The following CIP2A variants were observed in gnomAD, a reference collection of about 807,000 sequenced individuals.
CIP2A encodes cellular inhibitor of PP2A, also known as protein CIP2A.
In CIP2A, 103 loss-of-function variants were observed where a neutral mutation model predicts 110.9. That is an observed-to-expected ratio of 0.93 (90% CI 0.79 to 1.09). The LOEUF (loss-of-function observed/expected upper bound fraction) is 1.09. CIP2A is among the 50% of genes least tolerant of loss of function. The pLI is 0.00. For missense variants in CIP2A, 1,088 were observed against 1,038.4 expected (o/e 1.05, Z -0.66); for synonymous variants, 381 against 361.6 (o/e 1.05, Z -0.61).
At chr3:108,553,210 CT>C (rs1937639751) in intron 19 of CIP2A, among the ~76,000 whole-genome samples, 1 of 130,816 alleles carries the variant, frequency 7.6e-6, no homozygotes, top group South Asian at 2.3e-4. Context: ...TCACTGCAGC[CT>C]TGACATCCAG....
chr3:108,575,893 A>T lies in CIP2A; in HGVS notation c.894+378T>A, dbSNP rs201664552. On this transcript the variant is annotated intron_variant, in intron 8 of 20. Transcript: ENST00000295746. ...ATATATACTCATATACATGTGTATGAGTATATATACATATATACATATACG... is the reference window on the plus strand; with the variant it reads ...ATATATACTCATATACATGTGTATGTGTATATATACATATATACATATACG... Among the ~76,000 whole-genome samples, 27 of 70,962 alleles carry T rather than the reference A, an allele frequency of 3.8e-4. 5 individuals are homozygous for T. In the East Asian group the frequency reaches 3.8e-3, roughly 10 times the overall value. The allele number at this position is 70,962 out of a possible 152,430, so 46.6% of individuals were successfully genotyped here. A position where few individuals can be genotyped will look rare whatever the true frequency, so the allele number is the denominator to read the frequency against.
At chr3:108,578,829 GA>G (rs1357115131) in intron 7 of CIP2A, among the ~76,000 whole-genome samples, 1 of 151,850 alleles carries the variant, frequency 6.6e-6, no homozygotes, top group African/African-American at 2.4e-5. Context: ...CACACCAAAG[GA>G]AACATTATCC....
At chr3:108,564,242 T>C (rs959553994) in intron 12 of CIP2A, among the ~76,000 whole-genome samples, 14 of 151,886 alleles carry the variant, frequency 9.2e-5, no homozygotes, top group African/African-American at 3.4e-4. Flanking sequence ...TGAAATAACT[T>C]ACTCAAGCCT....
intron 11 of CIP2A, among the ~76,000 whole-genome samples, chr3:108,565,680 C>T (rs1938156864): frequency 6.6e-6 from 1 of 151,776 alleles, no homozygotes; most frequent in Non-Finnish European, 1.5e-5. Flanking sequence ...GACAGTGTTT[C>T]TTTTACTACC....
chr3:108,564,054 G>A (rs757341510), intron 12 of CIP2A, among the ~76,000 whole-genome samples: 1 of 151,990 alleles, frequency 6.6e-6, no homozygotes, highest in Admixed American at 6.6e-5. Context: ...TGAGATATTA[G>A]TGAAGAAAAT....
intron 9 of CIP2A, 106 bp downstream of exon 9, chr3:108,569,283 T>G: frequency 1.2e-6 from 1 of 806,320 alleles, no homozygotes; most frequent in Non-Finnish European, 2.0e-6. Context: ...TTGAGATGTT[T>G]TCCTCAAGTG....
intron 12 of CIP2A, among the ~76,000 whole-genome samples, chr3:108,564,446 G>A (rs2603122): frequency 0.29 from 44,649 of 151,764 alleles, 7,160 homozygotes; most frequent in Non-Finnish European, 0.37. Context: ...AGGTGTTGTA[G>A]ATATTATTAC....
In CIP2A at chr3:108,566,868, GA is replaced by G. The variant is rs1938207400; in HGVS notation, c.1274-231del. Among the ~76,000 whole-genome samples the G allele has an allele frequency of 2.0e-5, 3 of 151,826 alleles. No homozygotes were observed. In the South Asian group the frequency reaches 6.2e-4, roughly 32 times the overall value. The stretch of plus-strand genomic sequence containing the variant: ...CTGACTCAATGGTTAAAACAGCGAG[GA>G]TATCTTTCCATTGGATGTCTGTTTT... On this transcript the variant is annotated intron_variant, in intron 10 of 20. Transcript: ENST00000295746.
chr3:108,561,310 G>A (rs905562104), intron 13 of CIP2A, among the ~76,000 whole-genome samples: 8 of 151,998 alleles, frequency 5.3e-5, no homozygotes, highest in African/African-American at 9.7e-5. Context: ...TCTGGAACAC[G>A]CTTTCTACCA....
intron 3 of CIP2A, 102 bp from the exon 4 acceptor site, chr3:108,582,304 C>T (rs1938909833): frequency 2.1e-6 from 1 of 472,912 alleles, no homozygotes; most frequent in Non-Finnish European, 3.8e-6. Context: ...TTTCCATTTC[C>T]TAAAACAATT....
intron 8 of CIP2A, among the ~76,000 whole-genome samples, chr3:108,573,483 T>C (rs1252874868): frequency 6.6e-6 from 1 of 152,038 alleles, no homozygotes; most frequent in Non-Finnish European, 1.5e-5. Context: ...CCATTCTCTT[T>C]CAGGTTTTGA....
Position 108,551,089 on chromosome 3 carries a change from T to G in CIP2A, c.*60A>C, listed in dbSNP as rs1234365581. ...AATTAACTCCCCTACCCACCCCCCC[T>G]CCAATAGATAAATACATCAAAAATA... On this transcript the variant is annotated 3_prime_UTR_variant, in exon 21 of 21. Coordinates refer to ENST00000295746, the MANE Select transcript of CIP2A (RefSeq NM_020890.3). The G allele has an allele frequency of 5.5e-5, 10 of 181,404 alleles. No homozygotes were observed. Among genetic ancestry groups the G allele is most frequent in the Non-Finnish European group, 9.2e-5 (8 of 87,392 alleles). 11.2% of individuals were successfully genotyped at this position (181,404 alleles called of 1,614,324 possible). A position where few individuals can be genotyped will look rare whatever the true frequency, so the allele number is the denominator to read the frequency against.
At position 108,585,173 on chromosome 3, in the gene CIP2A, T is replaced by C. The variant is rs1228921077; in HGVS notation, c.142A>G (p.Asn48Asp). ...GQKLTRLFTS[N>D]QILTSECLSC... ...AAGCATTCACTTGTTAATATCTGAT[T>C]TGATGTAAATAGTCGTGTGAGTTTC... The change falls in exon 2 of 21, where the codon AAT becomes GAT. Residue 48 changes from asparagine to aspartate, a missense_variant. Physicochemically the swap from Asn to Asp is conservative, Grantham distance 23 (BLOSUM62 1). Transcript: ENST00000295746. The C allele has an allele frequency of 1.2e-6, 2 of 1,612,852 alleles. No individual in the cohort carries two copies. The highest frequency in any genetic ancestry group is 2.2e-5 in the South Asian group (2 of 90,928).
chr3:108,578,893 C>G (rs577260425), intron 7 of CIP2A, among the ~76,000 whole-genome samples: 3 of 152,042 alleles, frequency 2.0e-5, no homozygotes, highest in African/African-American at 7.2e-5. Flanking sequence ...TGTTTCAACA[C>G]TGTTTCATTT....
At chr3:108,557,452 T>A in intron 16 of CIP2A, 38 bp from the exon 17 acceptor site, 1 of 1,471,738 alleles carries the variant, frequency 6.8e-7, no homozygotes, top group Non-Finnish European at 9.2e-7. Context: ...ACCACTATCA[T>A]CTATATCATA....
chr3:108,569,252 G>C, intron 9 of CIP2A, 137 bp downstream of exon 9: 1 of 622,886 alleles, frequency 1.6e-6, no homozygotes. Context: ...AACCTAGCGA[G>C]TCTAGTATGA....
chr3:108,558,481 T>C (rs1360819523), intron 16 of CIP2A, among the ~76,000 whole-genome samples: 1 of 152,154 alleles, frequency 6.6e-6, no homozygotes, highest in Non-Finnish European at 1.5e-5. Context: ...ATGTACATAA[T>C]ACAATGCCAA....
At chr3:108,568,499 G>A (rs1380912457) in intron 9 of CIP2A, among the ~76,000 whole-genome samples, 185 bp from the exon 10 acceptor site, 2 of 151,666 alleles carry the variant, frequency 1.3e-5, no homozygotes, top group Non-Finnish European at 2.9e-5. Flanking sequence ...AGTTTTGAGG[G>A]CTATGGCTTT....
Position 108,557,246 on chromosome 3 carries a change from T to C in CIP2A, c.2182A>G (p.Thr728Ala). The C allele has an allele frequency of 6.3e-7, 1 of 1,599,856 alleles. No homozygotes were observed. The highest frequency in any genetic ancestry group is 8.5e-7 in the Non-Finnish European group (1 of 1,170,058). Reference protein sequence around the residue: ...ESVAEEHEILTKSYMELLQRN... With the variant: ...ESVAEEHEILAKSYMELLQRN... ...TGAAGAAGTTCCATGTAGGATTTTG[T>C]CAGTATTTCATGTTCTTCAGCCACA... Residue 728 changes from threonine to alanine, a missense_variant, in exon 17 of 21, where the codon ACA becomes GCA. Coordinates refer to ENST00000295746, the MANE Select transcript of CIP2A (RefSeq NM_020890.3).
Sources: allele counts gnomAD v4.1 joint callset (sites outside exome capture counted in the v4.1 genomes callset), GRCh38; gene constraint gnomAD v4.1.1; transcripts MANE v1.5; gene names NCBI Gene and HGNC (gene_info 2026-07-23, HGNC 2026-07-21).